Variants in VEZF1 observed in about 807,000 individuals in gnomAD.
VEZF1 encodes putative transcription factor DB1.
In VEZF1, 5 loss-of-function variants were observed where a neutral mutation model predicts 44.1. The ratio of observed to expected loss-of-function variants is 0.11; its 90% CI spans 0.06 to 0.24. The LOEUF is 0.24. Among genes scored for constraint, VEZF1 ranks in the 10% least tolerant of loss-of-function variants. The probability of loss-of-function intolerance (pLI) is 1.00; values close to 1 mark genes in which losing one functional copy is unlikely to be tolerated. For synonymous variants in VEZF1, 236 were observed against 233.1 expected, an observed-to-expected ratio of 1.01 and a Z score of -0.11; for missense variants, 358 against 641.8, an observed-to-expected ratio of 0.56 and a Z score of 4.78.
chr17:57,986,663 A>T (rs1470109306), intron 1 of VEZF1, among the ~76,000 whole-genome samples: 7 of 152,206 alleles, frequency 4.6e-5, no homozygotes, highest in Admixed American at 2.6e-4. Flanking sequence ...AATTGCCCAC[A>T]TTTGAAAAAA....
chr17:57,982,704 G>A lies in VEZF1; in HGVS notation c.723C>T (p.Phe241=), dbSNP rs545595170. ...PYTCSVCGKG[F]SRPDHLSCHV... ...AGCAAAGCAAAATGCAGTACCTTGA[G>A]AAGCCTTTCCCACAAACACTGCAAG... is the stretch of plus-strand genomic sequence containing the variant. Residue 241 remains phenylalanine, a synonymous_variant, in exon 2 of 6, where the codon TTC becomes TTT. Transcript: ENST00000581208. The A allele has an allele frequency of 9.3e-6, 15 of 1,608,076 alleles. No homozygotes were observed. In the African/African-American group the frequency reaches 1.1e-4, roughly 11 times the overall value.
intron 5 of VEZF1, among the ~76,000 whole-genome samples, chr17:57,977,308 G>T (rs2075201887): frequency 6.6e-6 from 1 of 151,934 alleles, no homozygotes; most frequent in South Asian, 2.1e-4. Context: ...TGTTGTTTTT[G>T]TAGAGATGGG....
At position 57,974,863 on chromosome 17, in the gene VEZF1, C is replaced by A; in HGVS notation, c.1176G>T (p.Thr392=). ...ATGGAGTAGTGAGAGTCACAGGTGT[C>A]GTAGCAGCCGTGGAGGTTTGGCACA... The part of the protein sequence containing the change: ...ANLCQTSTAA[T]TPVTLTTPFS... Residue 392 remains threonine, a synonymous_variant, in exon 6 of 6, where the codon ACG becomes ACT. Coordinates refer to ENST00000581208, the MANE Select transcript of VEZF1 (RefSeq NM_007146.3). 1 of 1,613,946 alleles carries A rather than the reference C, an allele frequency of 6.2e-7. No individual in the cohort carries two copies. The highest frequency in any genetic ancestry group is 8.5e-7 in the Non-Finnish European group (1 of 1,179,942).
At chr17:57,987,346 A>G (rs1455416929) in intron 1 of VEZF1, among the ~76,000 whole-genome samples, 1 of 152,000 alleles carries the variant, frequency 6.6e-6, no homozygotes, top group Non-Finnish European at 1.5e-5. Flanking sequence ...AGAGCTGGAC[A>G]GAGGGAGAAG....
In VEZF1 at chr17:57,979,303, A is replaced by C; in HGVS notation, c.987T>G (p.Ser329Arg). Residue 329 changes from serine (S) to arginine (R), a missense_variant, in exon 5 of 6, where the codon AGT becomes AGG. Around this residue, in one of 4 missense-constraint regions of VEZF1, gnomAD observed 171 missense variants for 272.4 expected, o/e 0.63. Coordinates refer to ENST00000581208, the MANE Select transcript of VEZF1 (RefSeq NM_007146.3). Reference protein sequence around the residue: ...CKQGISKTCMSEETSNQKQQQ... With the variant: ...CKQGISKTCMREETSNQKQQQ... ...GCTGCTTTTGGTTACTGGTCTCTTC[A>C]CTCATGCATGCTATTACAAAGACAA... The C allele has an allele frequency of 6.2e-7, 1 of 1,611,994 alleles. No individual in the cohort carries two copies. Among genetic ancestry groups the C allele is most frequent in the South Asian group, 1.1e-5 (1 of 90,944 alleles).
In VEZF1 at chr17:57,974,890, G is replaced by A. The variant is rs201303306; in HGVS notation, c.1149C>T (p.Asn383=). The part of the protein sequence containing the change: ...AVKARKKEAA[N]LCQTSTAATT... ...TAGCAGCCGTGGAGGTTTGGCACAG[G>A]TTAGCAGCTTCTAAAATAAGAAGAA... Residue 383 remains asparagine (N), a synonymous_variant, in exon 6 of 6, where the codon AAC becomes AAT. Coordinates refer to ENST00000581208, the MANE Select transcript of VEZF1 (RefSeq NM_007146.3). 3.7e-6 allele frequency: 6 copies of A among 1,605,618 alleles called. No individual in the cohort carries two copies. The highest frequency in any genetic ancestry group is 5.1e-6 in the Non-Finnish European group (6 of 1,173,136).
chr17:57,980,579 A>G, intron 4 of VEZF1, 24 bp downstream of exon 4: 1 of 1,605,150 alleles, frequency 6.2e-7, no homozygotes, highest in Non-Finnish European at 8.5e-7. Context: ...ATATAAAAGA[A>G]AGAAAATCTG....
In VEZF1 at chr17:57,971,978, A is replaced by G. The variant is rs2075140665; in HGVS notation, c.*2495T>C. On this transcript the variant is annotated 3_prime_UTR_variant, in exon 6 of 6. Coordinates refer to ENST00000581208, the MANE Select transcript of VEZF1 (RefSeq NM_007146.3). ...CACAACCTATTCGGTACCCCTTTTC[A>G]GTGGCCCACCCAAAACCCCCTCCTG... 1 of 152,414 alleles carries G rather than the reference A, an allele frequency of 6.6e-6. No homozygotes were observed. Among genetic ancestry groups the G allele is most frequent in the Non-Finnish European group, 1.5e-5 (1 of 67,994 alleles). The allele number at this position is 152,414 out of a possible 1,614,324, so 9.4% of individuals were successfully genotyped here.
intron 1 of VEZF1, chr17:57,986,123 G>A (rs1187136980): frequency 6.6e-6 from 1 of 151,872 alleles, no homozygotes; most frequent in Non-Finnish European, 1.5e-5. Flanking sequence ...TCTCCATCAG[G>A]TGGAAAAAAA....
chr17:57,984,284 G>C (rs1006646733), intron 1 of VEZF1, among the ~76,000 whole-genome samples: 1 of 152,158 alleles, frequency 6.6e-6, no homozygotes, highest in Non-Finnish European at 1.5e-5. Context: ...CTGCACACTG[G>C]AAATTCTTTT....
intron 1 of VEZF1, among the ~76,000 whole-genome samples, chr17:57,986,525 A>C (rs756031441): frequency 2.0e-5 from 3 of 152,198 alleles, no homozygotes; most frequent in Non-Finnish European, 4.4e-5. Context: ...ATTATTAGCA[A>C]GCTCATCAAA....
Position 57,985,159 on chromosome 17 carries a change from G to T in VEZF1, c.34-1766C>A, listed in dbSNP as rs1598050242. ...GCTAACAGATCAGATAATAGGGAATGCAGATCTTCTGGACAAAGTTCAGAC... is the reference window on the plus strand; with the variant it reads ...GCTAACAGATCAGATAATAGGGAATTCAGATCTTCTGGACAAAGTTCAGAC... On this transcript the variant is annotated intron_variant, in intron 1 of 5. Transcript: ENST00000581208. The T allele has an allele frequency of 9.7e-6, 7 of 722,768 alleles. No homozygotes were observed. In the South Asian group the frequency reaches 2.8e-4, roughly 29 times the overall value. The allele number at this position is 722,768 out of a possible 1,614,324, so 44.8% of individuals were successfully genotyped here.
At position 57,987,729 on chromosome 17, in the gene VEZF1, G is replaced by C. The variant is rs1367556726; in HGVS notation, c.33+350C>G. Among the ~76,000 whole-genome samples the C allele has an allele frequency of 3.3e-5, 5 of 152,016 alleles. 1 individual carries two copies. Among genetic ancestry groups the C allele is most frequent in the Admixed American group, 1.3e-4 (2 of 15,286 alleles). ...AGCAGCCCGCGCTATCCAGCGGCCCGGCGCCCTCCTTTCTCTGGGCCGCGG... is the reference window on the plus strand; with the variant it reads ...AGCAGCCCGCGCTATCCAGCGGCCCCGCGCCCTCCTTTCTCTGGGCCGCGG... On this transcript the variant is annotated intron_variant, in intron 1 of 5. Coordinates refer to ENST00000581208, the MANE Select transcript of VEZF1 (RefSeq NM_007146.3).
chr17:57,986,836 A>T (rs999548879), intron 1 of VEZF1, among the ~76,000 whole-genome samples: 1 of 152,180 alleles, frequency 6.6e-6, no homozygotes, highest in Admixed American at 6.5e-5. Flanking sequence ...CGCCCCAGCT[A>T]CGCGTTTGGG....
At chr17:57,985,692 G>A (rs1207901005) in intron 1 of VEZF1, among the ~76,000 whole-genome samples, 1 of 152,136 alleles carries the variant, frequency 6.6e-6, no homozygotes, top group Admixed American at 6.5e-5. Flanking sequence ...CATCACCCAG[G>A]GTAGTAGGAT....
In VEZF1 at chr17:57,972,723, AC is replaced by A. The variant is rs1389303952; in HGVS notation, c.*1749del. 6.6e-6 allele frequency: 1 copy of A among 152,556 alleles called. No homozygotes were observed. Among genetic ancestry groups the A allele is most frequent in the African/African-American group, 2.4e-5 (1 of 41,472 alleles). The allele number at this position is 152,556 out of a possible 1,614,324, so 9.5% of individuals were successfully genotyped here. A position where few individuals can be genotyped will look rare whatever the true frequency, so the allele number is the denominator to read the frequency against. Reference sequence around the variant, plus strand: ...AGAAAGTTCCTAAGCTTTTATATATACAAAAGTTGTACAATTTAATGTCCTA... The same window carrying A: ...AGAAAGTTCCTAAGCTTTTATATATAAAAAGTTGTACAATTTAATGTCCTA... On this transcript the variant is annotated 3_prime_UTR_variant, in exon 6 of 6. Coordinates refer to ENST00000581208, the MANE Select transcript of VEZF1 (RefSeq NM_007146.3).
chr17:57,984,954 C>G lies in VEZF1; in HGVS notation c.34-1561G>C, dbSNP rs138770139. Among the ~76,000 whole-genome samples, 111 of 152,330 alleles carry G rather than the reference C, an allele frequency of 7.3e-4. 2 individuals are homozygous for G. In the East Asian group the frequency reaches 0.02, roughly 28 times the overall value. On this transcript the variant is annotated intron_variant, in intron 1 of 5. Coordinates refer to ENST00000581208, the MANE Select transcript of VEZF1 (RefSeq NM_007146.3). The stretch of plus-strand genomic sequence containing the variant: ...TAGCAAATTACAGTCCGCTTTTAAT[C>G]TAATTTGTGAAGCTCCTGTAAATGT...
chr17:57,977,132 T>G (rs1260630214), intron 5 of VEZF1, among the ~76,000 whole-genome samples: 1 of 152,212 alleles, frequency 6.6e-6, no homozygotes, highest in Non-Finnish European at 1.5e-5. Flanking sequence ...TTTGTTTTTT[T>G]TGAGATGGGG....
rs2075223268 is a variant in VEZF1, at chr17:57,979,261, C to CTGA, written c.1028_1029insTCA (p.Gln342_Gln343insHis). 9.3e-6 allele frequency: 15 copies of CTGA among 1,610,636 alleles called. No individual in the cohort carries two copies. The highest frequency in any genetic ancestry group is 1.3e-5 in the Non-Finnish European group (15 of 1,177,394). On this transcript the variant is annotated inframe_insertion, in exon 5 of 6. Transcript: ENST00000581208. ...GTTGTTGTTGCTGCTGCTGCTGCTG[C>CTGA]TGCTGCTGCTGCTGCTGCTGCTTTT...
Sources: allele counts gnomAD v4.1 joint callset (sites outside exome capture counted in the v4.1 genomes callset), GRCh38; gene constraint gnomAD v4.1.1; regional missense constraint gnomAD v4.1.1; transcripts MANE v1.5; gene names NCBI Gene and HGNC (gene_info 2026-07-23, HGNC 2026-07-21).